HEG1: variants seen among roughly 807,000 people sequenced by gnomAD.
HEG1 encodes protein HEG homolog 1.
In HEG1, 56 loss-of-function variants were observed where a neutral mutation model predicts 125.6. The observed-to-expected ratio is 0.45, with a 90% CI of 0.36 to 0.56. The LOEUF (loss-of-function observed/expected upper bound fraction) is 0.56. HEG1 is among the 20% of genes least tolerant of loss of function. HEG1 has a pLI of 0.00. For synonymous variants in HEG1, 644 were observed against 668.5 expected (o/e 0.96, Z 0.57); for missense variants, 1,523 against 1,670.0 (o/e 0.91, Z 1.53).
intron 5 of HEG1, among the ~76,000 whole-genome samples, chr3:125,018,895 T>C (rs1272220314): frequency 6.6e-6 from 1 of 150,394 alleles, no homozygotes; most frequent in African/African-American, 2.5e-5. Context: ...TGAGACACTT[T>C]CGCTTTTGTC....
chr3:125,014,978 T>C, intron 5 of HEG1: 1 of 1,271,030 alleles, frequency 7.9e-7, no homozygotes, highest in Non-Finnish European at 1.0e-6. Flanking sequence ...AACTGTCACC[T>C]AGTGCTTGGC....
chr3:125,049,936 C>T (rs1046022546), intron 1 of HEG1, among the ~76,000 whole-genome samples: 1 of 152,156 alleles, frequency 6.6e-6, no homozygotes, highest in African/African-American at 2.4e-5. Flanking sequence ...TGAAAACAAA[C>T]ACCTTAACAG....
At chr3:125,029,040 A>G (rs375575052) in intron 2 of HEG1, among the ~76,000 whole-genome samples, 155 bp downstream of exon 2, 18 of 152,302 alleles carry the variant, frequency 1.2e-4, no homozygotes, top group African/African-American at 4.3e-4. Context: ...CAAGCATAAT[A>G]CATATGAGGC....
chr3:125,054,199 A>G (rs1352713486), intron 1 of HEG1, among the ~76,000 whole-genome samples: 1 of 152,268 alleles, frequency 6.6e-6, no homozygotes, highest in Non-Finnish European at 1.5e-5. Flanking sequence ...CGTGGAAGTT[A>G]GCAAAACAGC....
chr3:125,054,933 G>T (rs542167351), intron 1 of HEG1, among the ~76,000 whole-genome samples: 1 of 152,302 alleles, frequency 6.6e-6, no homozygotes, highest in East Asian at 1.9e-4. Context: ...TCTCTGCGTG[G>T]GACAGGCGGT....
intron 15 of HEG1, among the ~76,000 whole-genome samples, chr3:124,975,458 A>G (rs1428740032): frequency 6.6e-6 from 1 of 152,114 alleles, no homozygotes; most frequent in Non-Finnish European, 1.5e-5. Flanking sequence ...AGCATCCCAC[A>G]CTGCTGCTAC....
chr3:124,973,583 T>C, intron 16 of HEG1, 148 bp downstream of exon 16: 1 of 587,384 alleles, frequency 1.7e-6, no homozygotes. Flanking sequence ...AAATAGACTG[T>C]AGGTAAACTG....
chr3:125,049,254 T>C (rs1937749582), intron 1 of HEG1, among the ~76,000 whole-genome samples: 2 of 152,192 alleles, frequency 1.3e-5, no homozygotes, highest in South Asian at 4.1e-4. Flanking sequence ...CAGAAATATG[T>C]TAACTTACAT....
chr3:125,038,225 C>A (rs1412294071), intron 1 of HEG1, among the ~76,000 whole-genome samples: 1 of 152,158 alleles, frequency 6.6e-6, no homozygotes, highest in Non-Finnish European at 1.5e-5. Context: ...TGAGGCTAGA[C>A]AAATGGCTGC....
At chr3:125,049,955 A>C (rs551755018) in intron 1 of HEG1, among the ~76,000 whole-genome samples, 1 of 152,284 alleles carries the variant, frequency 6.6e-6, no homozygotes, top group East Asian at 1.9e-4. Flanking sequence ...AGGCCTCTAA[A>C]GCCCTCCACA....
intron 1 of HEG1, among the ~76,000 whole-genome samples, chr3:125,043,420 GTTTT>G (rs60228985): frequency 6.7e-6 from 1 of 149,054 alleles, no homozygotes; most frequent in African/African-American, 2.5e-5. Flanking sequence ...AATTCTATAG[GTTTT>G]TTTTTTTCCA....
intron 8 of HEG1, among the ~76,000 whole-genome samples, chr3:125,006,560 G>A (rs1284969548): frequency 6.6e-6 from 1 of 152,210 alleles, no homozygotes; most frequent in Middle Eastern, 3.2e-3. Flanking sequence ...TACACTTACT[G>A]TCTAAAGCGC....
At chr3:125,038,084 G>A (rs1049150266) in intron 1 of HEG1, among the ~76,000 whole-genome samples, 4 of 152,216 alleles carry the variant, frequency 2.6e-5, no homozygotes, top group African/African-American at 9.6e-5. Flanking sequence ...GGATGACCTT[G>A]GCAGGCACTG....
chr3:125,047,995 C>T (rs1937703642), intron 1 of HEG1, among the ~76,000 whole-genome samples: 1 of 152,152 alleles, frequency 6.6e-6, no homozygotes, highest in Non-Finnish European at 1.5e-5. Context: ...TCTTTGCCTT[C>T]AGCACCTTCT....
chr3:125,039,906 G>C (rs576348713), intron 1 of HEG1, among the ~76,000 whole-genome samples: 2 of 151,396 alleles, frequency 1.3e-5, no homozygotes, highest in Non-Finnish European at 2.9e-5. Context: ...AAACACAACT[G>C]TGCTGACCTT....
chr3:125,013,909 A>G lies in HEG1; in HGVS notation c.1670T>C (p.Leu557Pro). 1 of 1,613,120 alleles carries G rather than the reference A, an allele frequency of 6.2e-7. No homozygotes were observed. Among genetic ancestry groups the G allele is most frequent in the Non-Finnish European group, 8.5e-7 (1 of 1,179,562 alleles). Residue 557 changes from leucine to proline, a missense_variant, in exon 6 of 17, where the codon CTG becomes CCG. Leu to Pro is a moderately conservative substitution (Grantham distance 98). Coordinates refer to ENST00000311127, the MANE Select transcript of HEG1 (RefSeq NM_020733.2). The part of the protein sequence containing the change: ...TSSDHTDHTY[L>P]SSTFTKGERA... ...TTCTCCTTTGGTGAAAGTAGATGAC[A>G]GGTAGGTGTGGTCTGTGTGGTCGCT...
intron 3 of HEG1, among the ~76,000 whole-genome samples, chr3:125,026,412 T>C (rs937778669): frequency 1.3e-5 from 2 of 152,038 alleles, no homozygotes; most frequent in African/African-American, 4.8e-5. Flanking sequence ...ACCAGATGGT[T>C]GAAGAAAGGC....
chr3:125,007,247 C>T (rs546120095), intron 8 of HEG1, among the ~76,000 whole-genome samples: 2 of 149,718 alleles, frequency 1.3e-5, no homozygotes, highest in South Asian at 4.3e-4. Flanking sequence ...ATGTCAGGTA[C>T]GTAGATCTAT....
chr3:124,993,508 T>A (rs1936865602), intron 12 of HEG1, among the ~76,000 whole-genome samples: 1 of 152,104 alleles, frequency 6.6e-6, no homozygotes, highest in South Asian at 2.1e-4. Context: ...CCTCCTCCTG[T>A]GTATGCCTCT....
Sources: allele counts gnomAD v4.1 joint callset (sites outside exome capture counted in the v4.1 genomes callset), GRCh38; gene constraint gnomAD v4.1.1; transcripts MANE v1.5; gene names NCBI Gene and HGNC (gene_info 2026-07-23, HGNC 2026-07-21).